PHACTR1: variants seen among roughly 807,000 people sequenced by gnomAD.
The protein encoded by PHACTR1 is phosphatase and actin regulator 1.
In PHACTR1, 16 loss-of-function variants were observed where a neutral mutation model predicts 69.2. That is an observed-to-expected ratio of 0.23 (90% CI 0.16 to 0.35). PHACTR1 has a LOEUF of 0.35. Among genes scored for constraint, PHACTR1 ranks in the 10% least tolerant of loss-of-function variants. PHACTR1 has a pLI of 1.00. For synonymous variants in PHACTR1, 312 were observed against 284.5 expected (o/e 1.10, Z -0.97); for missense variants, 510 against 734.7 (o/e 0.69, Z 3.54).
chr6:12,915,722 A>G (rs1231489313), intron 4 of PHACTR1, among the ~76,000 whole-genome samples: 3 of 152,150 alleles, frequency 2.0e-5, no homozygotes, highest in Admixed American at 6.5e-5. Flanking sequence ...CTCACTCCTC[A>G]TAGTTAGTTG....
chr6:13,169,988 A>G (rs181832492), intron 6 of PHACTR1, among the ~76,000 whole-genome samples: 4 of 152,200 alleles, frequency 2.6e-5, no homozygotes, highest in African/African-American at 7.2e-5. Context: ...ATAAAGTCCA[A>G]TTGTAGGGCA....
chr6:12,939,022 A>C (rs973970564), intron 4 of PHACTR1, among the ~76,000 whole-genome samples: 4 of 152,210 alleles, frequency 2.6e-5, no homozygotes, highest in Non-Finnish European at 4.4e-5. Flanking sequence ...GAACAGTCAC[A>C]TACAAATCTT....
intron 4 of PHACTR1, among the ~76,000 whole-genome samples, chr6:12,912,944 G>A (rs1786571744): frequency 2.0e-5 from 3 of 152,156 alleles, no homozygotes; most frequent in Admixed American, 2.0e-4. Context: ...ACTGGAATGA[G>A]ACCCTGTCTC....
intron 5 of PHACTR1, among the ~76,000 whole-genome samples, chr6:13,142,104 A>G (rs559826240): frequency 6.6e-6 from 1 of 152,308 alleles, no homozygotes; most frequent in African/African-American, 2.4e-5. Context: ...ATTAAGGTTG[A>G]AGGTTTCATT....
At chr6:13,238,243 G>C (rs1772301799) in intron 10 of PHACTR1, among the ~76,000 whole-genome samples, 1 of 152,158 alleles carries the variant, frequency 6.6e-6, no homozygotes, top group African/African-American at 2.4e-5. Flanking sequence ...TACACTGAAG[G>C]CGTGGAAACT....
intron 4 of PHACTR1, among the ~76,000 whole-genome samples, chr6:12,880,623 G>A (rs372955102): frequency 9.9e-5 from 15 of 152,020 alleles, no homozygotes; most frequent in African/African-American, 3.4e-4. Flanking sequence ...GTTCATAGTC[G>A]TATAAAGGAA....
rs61160052 is a variant in PHACTR1, at chr6:12,880,230, C to CT, written c.250+130456dup. On this transcript the variant is annotated intron_variant, in intron 4 of 14. Transcript: ENST00000332995. ...GTCTCTAGAACTCATACTTTTTTTTCTTTTTTTTTTTTTTTTGACAGGATC... is the reference window on the plus strand; with the variant it reads ...GTCTCTAGAACTCATACTTTTTTTTCTTTTTTTTTTTTTTTTTGACAGGATC... 3.7e-3 allele frequency among the ~76,000 whole-genome samples: 396 copies of CT among 107,740 alleles called. 4 individuals are homozygous for CT. The highest frequency in any genetic ancestry group is 0.013 in the African/African-American group (373 of 29,142). 70.7% of individuals were successfully genotyped at this position (107,740 alleles called of 152,430 possible).
Position 13,179,446 on chromosome 6 carries a change from T to TGTGTGTGTG in PHACTR1, c.497-3073_497-3072insGTGTGTGTG, listed in dbSNP as rs1761876709. Among the ~76,000 whole-genome samples, 5 of 85,324 alleles carry TGTGTGTGTG rather than the reference T, an allele frequency of 5.9e-5. No individual in the cohort carries two copies. Among genetic ancestry groups the TGTGTGTGTG allele is most frequent in the Non-Finnish European group, 4.9e-5 (2 of 40,710 alleles). 56.0% of individuals were successfully genotyped at this position (85,324 alleles called of 152,430 possible). On this transcript the variant is annotated intron_variant, in intron 6 of 14. Transcript: ENST00000332995. This position sits in a 1 kb window ranked among gnomAD's most constrained non-coding sequence, Gnocchi z 4.2. ...TGTGTGTGTGTGTGTGTGTGTGTGT[T>TGTGTGTGTG]TAAAAATGTCATAATAAAAAATTTA...
intron 4 of PHACTR1, among the ~76,000 whole-genome samples, chr6:12,879,297 G>T (rs1488196882): frequency 6.6e-6 from 1 of 152,202 alleles, no homozygotes; most frequent in Non-Finnish European, 1.5e-5. Flanking sequence ...GTCTTGCCCA[G>T]TTGAGTGTGG....
At chr6:13,004,084 G>A (rs1381418337) in intron 4 of PHACTR1, among the ~76,000 whole-genome samples, 1 of 149,530 alleles carries the variant, frequency 6.7e-6, no homozygotes, top group Non-Finnish European at 1.5e-5. Context: ...TAAACATATG[G>A]GTGCAGGTAT....
chr6:13,062,586 T>C (rs997651978), intron 5 of PHACTR1, among the ~76,000 whole-genome samples: 2 of 152,086 alleles, frequency 1.3e-5, no homozygotes, highest in African/African-American at 2.4e-5. Flanking sequence ...GACCTGATGG[T>C]GATAGGCTTC....
At chr6:12,835,815 G>A (rs1225394137) in intron 4 of PHACTR1, among the ~76,000 whole-genome samples, 1 of 152,090 alleles carries the variant, frequency 6.6e-6, no homozygotes, top group East Asian at 1.9e-4. Flanking sequence ...TAGCTTTTTA[G>A]TGGAAATATC....
At chr6:12,909,411 CT>C (rs1198604606) in intron 4 of PHACTR1, among the ~76,000 whole-genome samples, 2 of 152,210 alleles carry the variant, frequency 1.3e-5, no homozygotes, top group Admixed American at 6.5e-5. Flanking sequence ...CTATGGCTTC[CT>C]TTATCTGCAA....
chr6:12,955,841 G>A (rs1038870315), intron 4 of PHACTR1, among the ~76,000 whole-genome samples: 4 of 152,142 alleles, frequency 2.6e-5, no homozygotes, highest in African/African-American at 9.7e-5. Context: ...AAGAGTAGGA[G>A]ACCCGTCTTC....
At chr6:13,023,650 G>A (rs2127673151) in intron 4 of PHACTR1, among the ~76,000 whole-genome samples, 1 of 152,354 alleles carries the variant, frequency 6.6e-6, no homozygotes, top group East Asian at 1.9e-4. Context: ...CTGTAGTGAA[G>A]CACCATCTTC....
intron 4 of PHACTR1, among the ~76,000 whole-genome samples, chr6:12,858,594 G>T (rs1309890816): frequency 6.6e-6 from 1 of 151,928 alleles, no homozygotes; most frequent in Non-Finnish European, 1.5e-5. Context: ...GGAGTTCAAT[G>T]CAAGCCTGGG....
intron 4 of PHACTR1, among the ~76,000 whole-genome samples, chr6:12,841,120 C>T (rs1424877925): frequency 2.6e-5 from 4 of 152,202 alleles, no homozygotes; most frequent in Admixed American, 6.5e-5. Context: ...CTGCATTAAG[C>T]TCTTTGGGTA....
At chr6:12,833,372 C>T (rs1460745772) in intron 4 of PHACTR1, among the ~76,000 whole-genome samples, 2 of 151,974 alleles carry the variant, frequency 1.3e-5, no homozygotes, top group South Asian at 4.1e-4. Context: ...CATTCTCCTG[C>T]CTCATCCTCC....
intron 14 of PHACTR1, among the ~76,000 whole-genome samples, chr6:13,286,597 C>G (rs996723249): frequency 1.1e-4 from 17 of 152,234 alleles, no homozygotes; most frequent in African/African-American, 4.1e-4. Context: ...CCACACGGGA[C>G]TTCCAAAGTG....
Sources: allele counts gnomAD v4.1 joint callset (sites outside exome capture counted in the v4.1 genomes callset), GRCh38; gene constraint gnomAD v4.1.1; non-coding constraint Gnocchi (gnomAD v3.1); transcripts MANE v1.5; gene names NCBI Gene and HGNC (gene_info 2026-07-23, HGNC 2026-07-21).